Variants in NBEA observed in about 807,000 individuals in gnomAD.
NBEA encodes lysosomal-trafficking regulator 2.
NBEA carries 44 observed loss-of-function variants against 343.4 expected under a neutral mutation model. That is an observed-to-expected ratio of 0.13 (90% CI 0.10 to 0.16). The LOEUF (loss-of-function observed/expected upper bound fraction) is 0.16. NBEA is among the 10% of genes least tolerant of loss of function. The probability of loss-of-function intolerance (pLI) is 1.00; values close to 1 mark genes in which losing one functional copy is unlikely to be tolerated. For synonymous variants in NBEA, 1,175 were observed against 1,238.7 expected (o/e 0.95, Z 1.08); for missense variants, 2,555 against 3,631.3 (o/e 0.70, Z 7.62).
intron 1 of NBEA, among the ~76,000 whole-genome samples, chr13:34,953,936 A>G (rs1395259482): frequency 6.6e-6 from 1 of 152,178 alleles, no homozygotes; most frequent in Admixed American, 6.5e-5. Flanking sequence ...CAAGGGATCT[A>G]GGTTGTGCGC....
At chr13:35,670,334 A>G (rs1459607363) in intron 58 of NBEA, among the ~76,000 whole-genome samples, 1 of 152,174 alleles carries the variant, frequency 6.6e-6, no homozygotes, top group Admixed American at 6.5e-5. Flanking sequence ...GTCAGAAGGT[A>G]CCAGTGATTC....
chr13:35,599,061 A>G (rs1281981510), intron 47 of NBEA, among the ~76,000 whole-genome samples: 1 of 152,116 alleles, frequency 6.6e-6, no homozygotes, highest in Non-Finnish European at 1.5e-5. Context: ...CTTATTAGGT[A>G]CTTGTTCTGT....
intron 55 of NBEA, among the ~76,000 whole-genome samples, chr13:35,656,585 C>T (rs995983968): frequency 1.3e-5 from 2 of 152,174 alleles, no homozygotes; most frequent in African/African-American, 4.8e-5. Flanking sequence ...TCTTCAGTTC[C>T]TGTCATAGTA....
intron 36 of NBEA, among the ~76,000 whole-genome samples, chr13:35,332,796 G>A (rs1347601285): frequency 6.6e-6 from 1 of 152,026 alleles, no homozygotes; most frequent in Non-Finnish European, 1.5e-5. Flanking sequence ...ATATTATGGA[G>A]GTAAAATTCA....
At chr13:35,526,146 T>C (rs974699901) in intron 41 of NBEA, among the ~76,000 whole-genome samples, 4 of 152,176 alleles carry the variant, frequency 2.6e-5, no homozygotes, top group Non-Finnish European at 5.9e-5. Context: ...ATGCTTAAAG[T>C]TGAATATTTG....
chr13:35,186,206 AG>A (rs2071692768), intron 30 of NBEA: 3 of 152,378 alleles, frequency 2.0e-5, no homozygotes, highest in Non-Finnish European at 2.9e-5. Flanking sequence ...CAGGAGGCTG[AG>A]GTGGGAAGAT....
chr13:35,383,045 C>A (rs761969643), intron 38 of NBEA, among the ~76,000 whole-genome samples: 11 of 152,072 alleles, frequency 7.2e-5, no homozygotes, highest in Non-Finnish European at 1.3e-4. Context: ...TTAATACTGG[C>A]CAGATACACA....
chr13:34,981,769 T>G (rs1211695923), intron 1 of NBEA, among the ~76,000 whole-genome samples: 2 of 151,896 alleles, frequency 1.3e-5, no homozygotes, highest in East Asian at 1.9e-4. Flanking sequence ...CTTTTTAATC[T>G]AGATTGTTTG....
chr13:35,187,402 A>G (rs1223957387), intron 30 of NBEA, among the ~76,000 whole-genome samples: 1 of 151,508 alleles, frequency 6.6e-6, no homozygotes, highest in African/African-American at 2.4e-5. Context: ...TATTACTGAC[A>G]ATTTTGGAAA....
intron 38 of NBEA, among the ~76,000 whole-genome samples, chr13:35,384,099 A>G (rs1250851007): frequency 6.6e-6 from 1 of 152,168 alleles, no homozygotes; most frequent in South Asian, 2.1e-4. Context: ...AGTCACACCC[A>G]TACTGAGTGA....
chr13:35,272,804 C>G (rs1032203208), intron 34 of NBEA, among the ~76,000 whole-genome samples: 4 of 152,138 alleles, frequency 2.6e-5, no homozygotes, highest in African/African-American at 9.6e-5. Flanking sequence ...CAAGAGCTAA[C>G]TATCCTAAAT....
chr13:35,336,008 T>G (rs1380622566), intron 36 of NBEA, among the ~76,000 whole-genome samples: 1 of 152,152 alleles, frequency 6.6e-6, no homozygotes, highest in African/African-American at 2.4e-5. Context: ...TGAAGGGCTG[T>G]CCTTACACAG....
intron 1 of NBEA, among the ~76,000 whole-genome samples, chr13:34,996,480 G>GTGTA (rs894812724): frequency 1.3e-5 from 2 of 151,674 alleles, no homozygotes; most frequent in Non-Finnish European, 1.5e-5. Context: ...GTGTGTGTGT[G>GTGTA]TATATATATA....
intron 34 of NBEA, among the ~76,000 whole-genome samples, chr13:35,272,696 G>A (rs983360005): frequency 9.9e-5 from 15 of 152,042 alleles, no homozygotes; most frequent in African/African-American, 3.6e-4. Context: ...AAAAAGCAGG[G>A]GTTGCAATCC....
chr13:34,979,949 C>T (rs565390580), intron 1 of NBEA, among the ~76,000 whole-genome samples: 1 of 152,254 alleles, frequency 6.6e-6, no homozygotes, highest in African/African-American at 2.4e-5. Context: ...TTCATCACCA[C>T]TTGTGGAAGA....
Position 35,582,389 on chromosome 13 carries a change from A to G in NBEA, c.7036-1509A>G, listed in dbSNP as rs202173707. 7.9e-5 allele frequency among the ~76,000 whole-genome samples: 12 copies of G among 152,322 alleles called. 1 individual carries two copies. In the East Asian group the frequency reaches 2.3e-3, roughly 29 times the overall value. On this transcript the variant is annotated intron_variant, in intron 45 of 58. Transcript: ENST00000379939. The stretch of plus-strand genomic sequence containing the variant: ...CACTTTATAGCAATTACTTTTACCA[A>G]TAATGTAATTATGTTGTTTTAAATA...
At chr13:35,585,210 G>A (rs1235626344) in intron 46 of NBEA, among the ~76,000 whole-genome samples, 1 of 141,664 alleles carries the variant, frequency 7.1e-6, no homozygotes, top group African/African-American at 2.6e-5. Flanking sequence ...TCAGATTCCT[G>A]AAAGCACAAC....
At chr13:35,460,171 A>G (rs1338014225) in intron 40 of NBEA, among the ~76,000 whole-genome samples, 1 of 152,150 alleles carries the variant, frequency 6.6e-6, no homozygotes, top group Non-Finnish European at 1.5e-5. Flanking sequence ...TTTGCTCAGA[A>G]TTTTCCCCGT....
chr13:35,048,328 A>G (rs542783813), intron 4 of NBEA, among the ~76,000 whole-genome samples: 1 of 152,106 alleles, frequency 6.6e-6, no homozygotes, highest in East Asian at 1.9e-4. Context: ...TAATCTAGAG[A>G]TAAAATCTAA....
Sources: gnomAD v4.1 joint callset for allele counts (sites outside exome capture counted in the v4.1 genomes callset) on GRCh38, gnomAD v4.1.1 for gene constraint, MANE v1.5 for transcripts, NCBI Gene and HGNC (gene_info 2026-07-23, HGNC 2026-07-21) for gene names.